ROR2: variants seen among roughly 807,000 people sequenced by gnomAD.
The protein encoded by ROR2 is ROR family WNT receptor 2, also known as tyrosine-protein kinase transmembrane receptor ROR2.
Under a neutral mutation model 74.9 loss-of-function variants are expected in ROR2, and 33 were observed. The ratio of observed to expected loss-of-function variants is 0.44; its 90% CI spans 0.33 to 0.59. ROR2 has a LOEUF of 0.59. Ranked by LOEUF, ROR2 falls within the 20% of genes least tolerant of loss-of-function variation. The pLI is 0.02. For synonymous variants in ROR2, 586 were observed against 558.7 expected, an observed-to-expected ratio of 1.05 and a Z score of -0.69; for missense variants, 1,216 against 1,313.8, an observed-to-expected ratio of 0.93 and a Z score of 1.15.
intron 1 of ROR2, among the ~76,000 whole-genome samples, chr9:91,878,679 C>T (rs1564015507): frequency 6.6e-6 from 1 of 152,246 alleles, no homozygotes; most frequent in South Asian, 2.1e-4. Flanking sequence ...GAGAAGCACA[C>T]TCAGCGGAAA....
intron 1 of ROR2, among the ~76,000 whole-genome samples, chr9:91,877,810 A>G (rs111359714): frequency 2.6e-5 from 4 of 152,356 alleles, no homozygotes; most frequent in African/African-American, 9.6e-5. Flanking sequence ...CCACGGTGTA[A>G]TAATACCTGC....
At position 91,929,460 on chromosome 9, in the gene ROR2, G is replaced by A. The variant is rs185115686; in HGVS notation, c.97+20407C>T. On this transcript the variant is annotated intron_variant, in intron 1 of 8. Coordinates refer to ENST00000375708, the MANE Select transcript of ROR2 (RefSeq NM_004560.4). ...AGACAAGTGCATCAAGGTGTAACCC[G>A]TGGAGAGGGGGTTCCATCCCACACA... 3.0e-3 allele frequency among the ~76,000 whole-genome samples: 453 copies of A among 152,308 alleles called. 2 individuals carry two copies. The highest frequency in any genetic ancestry group is 9.7e-3 in the African/African-American group (402 of 41,556).
Position 91,746,108 on chromosome 9 carries a change from G to A in ROR2, c.495-8590C>T, listed in dbSNP as rs914356685. The stretch of plus-strand genomic sequence containing the variant: ...TTTATTTTTTAAAACATGGAGTCTC[G>A]CTCTGTTGGCCAGGCTGGAGTGCAG... On this transcript the variant is annotated intron_variant, in intron 4 of 8. Transcript: ENST00000375708. Among the ~76,000 whole-genome samples, 12 of 151,748 alleles carry A rather than the reference G, an allele frequency of 7.9e-5. No homozygotes were observed. The East Asian group carries it at 1.2e-3, about 15-fold the overall frequency.
chr9:91,853,069 A>G (rs371419393), intron 1 of ROR2, among the ~76,000 whole-genome samples: 4 of 152,350 alleles, frequency 2.6e-5, no homozygotes, highest in East Asian at 3.9e-4. Context: ...CCAGCCCCAG[A>G]GCAAGGCGAT....
At chr9:91,921,945 C>T (rs1181044548) in intron 1 of ROR2, among the ~76,000 whole-genome samples, 1 of 118,170 alleles carries the variant, frequency 8.5e-6, no homozygotes, top group Non-Finnish European at 1.6e-5. Flanking sequence ...TCTGAATAGA[C>T]ATTTCTCCAA....
At chr9:91,882,013 G>C (rs1306898762) in intron 1 of ROR2, among the ~76,000 whole-genome samples, 2 of 152,138 alleles carry the variant, frequency 1.3e-5, no homozygotes, top group Non-Finnish European at 2.9e-5. Flanking sequence ...ACCTCTCCTT[G>C]TCATGTACAG....
intron 1 of ROR2, among the ~76,000 whole-genome samples, chr9:91,869,643 C>CT (rs138750833): frequency 0.022 from 3,400 of 152,150 alleles, 58 homozygotes; most frequent in South Asian, 0.054. Flanking sequence ...GAAAAAAAGA[C>CT]AAGTGGTTGC....
At chr9:91,817,497 T>A (rs547270402) in intron 1 of ROR2, among the ~76,000 whole-genome samples, 1 of 152,276 alleles carries the variant, frequency 6.6e-6, no homozygotes, top group Admixed American at 6.5e-5. Context: ...ACCTGCTACA[T>A]CTGACCCCTG....
chr9:91,845,671 C>G (rs948779309), intron 1 of ROR2, among the ~76,000 whole-genome samples: 3 of 151,998 alleles, frequency 2.0e-5, no homozygotes, highest in African/African-American at 7.3e-5. Flanking sequence ...CACCTGAGGT[C>G]AGGCGTTTGA....
At chr9:91,881,440 T>C (rs184910727) in intron 1 of ROR2, among the ~76,000 whole-genome samples, 1 of 152,184 alleles carries the variant, frequency 6.6e-6, no homozygotes, top group African/African-American at 2.4e-5. Context: ...AGAACTTAAC[T>C]CTTGTTTATA....
intron 2 of ROR2, among the ~76,000 whole-genome samples, chr9:91,768,443 C>CA (rs1469091227): frequency 9.2e-5 from 14 of 152,206 alleles, no homozygotes; most frequent in African/African-American, 3.4e-4. Flanking sequence ...TGGGGACAGA[C>CA]AGAGACAGAC....
chr9:91,943,415 G>A (rs74960244), intron 1 of ROR2, among the ~76,000 whole-genome samples: 1 of 152,016 alleles, frequency 6.6e-6, no homozygotes. Context: ...ATGAAAGCAT[G>A]AGTTACACTG....
chr9:91,795,563 T>C (rs895459898), intron 1 of ROR2, among the ~76,000 whole-genome samples: 3 of 152,238 alleles, frequency 2.0e-5, no homozygotes, highest in African/African-American at 7.2e-5. Context: ...CAGACACTGC[T>C]TACTTCCCAC....
intron 1 of ROR2, among the ~76,000 whole-genome samples, chr9:91,949,144 C>G (rs562096810): frequency 1.6e-4 from 24 of 151,430 alleles, no homozygotes; most frequent in African/African-American, 5.8e-4. Context: ...CAGAAGGCGG[C>G]CGCGCCCCAG....
chr9:91,839,285 TGTGTGTGTG>T (rs1828713745), intron 1 of ROR2, among the ~76,000 whole-genome samples: 1 of 129,346 alleles, frequency 7.7e-6, no homozygotes. Flanking sequence ...TGTGTGTGTG[TGTGTGTGTG>T]TAAGTACAGG....
intron 4 of ROR2, among the ~76,000 whole-genome samples, chr9:91,741,451 A>G (rs1159008234): frequency 2.0e-5 from 3 of 151,990 alleles, no homozygotes; most frequent in Non-Finnish European, 4.4e-5. Flanking sequence ...CTCCACCAAG[A>G]CTGGCAAGAT....
At chr9:91,882,481 A>G (rs2119368684) in intron 1 of ROR2, among the ~76,000 whole-genome samples, 1 of 152,202 alleles carries the variant, frequency 6.6e-6, no homozygotes, top group East Asian at 1.9e-4. Flanking sequence ...GTGGTCTCCA[A>G]TTGACCATGA....
chr9:91,926,643 G>C (rs1445158702), intron 1 of ROR2, among the ~76,000 whole-genome samples: 1 of 151,702 alleles, frequency 6.6e-6, no homozygotes, highest in Non-Finnish European at 1.5e-5. Context: ...AATCACTGTA[G>C]CCAGATGTAG....
intron 1 of ROR2, among the ~76,000 whole-genome samples, chr9:91,902,223 T>C (rs973315883): frequency 1.3e-5 from 2 of 152,152 alleles, no homozygotes; most frequent in Non-Finnish European, 2.9e-5. Context: ...TTTTAAAGGT[T>C]TTCTCAATTT....
Sources: gnomAD v4.1 joint callset for allele counts (sites outside exome capture counted in the v4.1 genomes callset) on GRCh38, gnomAD v4.1.1 for gene constraint, MANE v1.5 for transcripts, NCBI Gene and HGNC (gene_info 2026-07-23, HGNC 2026-07-21) for gene names.